The following DPYD variants were observed in gnomAD, a reference collection of about 807,000 sequenced individuals.
DPYD encodes dihydropyrimidine dehydrogenase [NADP(+)].
A neutral mutation model predicts 116.2 loss-of-function variants in DPYD; 109 were observed. That is an observed-to-expected ratio of 0.94 (90% CI 0.80 to 1.10). The LOEUF (loss-of-function observed/expected upper bound fraction) is 1.10. Among genes scored for constraint, DPYD ranks in the 50% least tolerant of loss-of-function variants. The pLI is 0.00. For synonymous variants in DPYD, 440 were observed against 432.0 expected, an observed-to-expected ratio of 1.02 and a Z score of -0.23; for missense variants, 1,302 against 1,254.5, an observed-to-expected ratio of 1.04 and a Z score of -0.57.
intron 13 of DPYD, among the ~76,000 whole-genome samples, chr1:97,475,672 A>T (rs1369419450): frequency 1.3e-5 from 2 of 152,200 alleles, no homozygotes; most frequent in African/African-American, 2.4e-5. Flanking sequence ...GAAATCTGCC[A>T]TAGACAATAT....
At chr1:97,428,827 T>C (rs1267228222) in intron 14 of DPYD, among the ~76,000 whole-genome samples, 4 of 151,784 alleles carry the variant, frequency 2.6e-5, no homozygotes, top group African/African-American at 9.7e-5. Flanking sequence ...CTCATGTGAG[T>C]GACAGTAAGA....
chr1:97,844,475 T>G lies in DPYD; in HGVS notation c.151-16279A>C, dbSNP rs137907209. 2.2e-3 allele frequency among the ~76,000 whole-genome samples: 330 copies of G among 152,230 alleles called. 2 individuals are homozygous for G. The highest frequency in any genetic ancestry group is 7.7e-3 in the African/African-American group (319 of 41,546). On this transcript the variant is annotated intron_variant, in intron 2 of 22. Transcript: ENST00000370192. ...TTTGAGTTAAAAATGACCAATAATTTGATCAATCATGCCTACATAATGTAA... is the reference window on the plus strand; with the variant it reads ...TTTGAGTTAAAAATGACCAATAATTGGATCAATCATGCCTACATAATGTAA...
intron 8 of DPYD, among the ~76,000 whole-genome samples, chr1:97,671,847 T>G (rs1305978837): frequency 6.6e-6 from 1 of 151,924 alleles, no homozygotes; most frequent in African/African-American, 2.4e-5. Flanking sequence ...TGACATATAT[T>G]TCATTATATA....
At chr1:97,572,795 C>T (rs1285209978) in intron 11 of DPYD, among the ~76,000 whole-genome samples, 1 of 151,710 alleles carries the variant, frequency 6.6e-6, no homozygotes, top group Non-Finnish European at 1.5e-5. Context: ...TGTTTGATGC[C>T]CTGCAGATAA....
At chr1:97,396,003 G>T (rs1426687197) in intron 14 of DPYD, among the ~76,000 whole-genome samples, 1 of 151,994 alleles carries the variant, frequency 6.6e-6, no homozygotes, top group Non-Finnish European at 1.5e-5. Context: ...TAAGCAAATT[G>T]CTAACATCCT....
intron 20 of DPYD, among the ~76,000 whole-genome samples, chr1:97,102,080 T>C (rs1022522596): frequency 1.3e-5 from 2 of 151,958 alleles, no homozygotes; most frequent in Non-Finnish European, 2.9e-5. Context: ...AGAAGTCTAT[T>C]TGGATTATAA....
intron 20 of DPYD, among the ~76,000 whole-genome samples, chr1:97,190,669 T>C (rs981475811): frequency 2.6e-5 from 4 of 152,198 alleles, no homozygotes; most frequent in African/African-American, 9.6e-5. Context: ...TTAGGCAGTT[T>C]GATCAGTTAA....
At chr1:97,858,066 G>A (rs539998101) in intron 2 of DPYD, among the ~76,000 whole-genome samples, 2 of 151,994 alleles carry the variant, frequency 1.3e-5, no homozygotes, top group Admixed American at 6.6e-5. Flanking sequence ...CTCTTCCAAT[G>A]AGTCTGTTTC....
intron 14 of DPYD, among the ~76,000 whole-genome samples, chr1:97,407,450 G>T (rs559249483): frequency 6.6e-6 from 1 of 152,162 alleles, no homozygotes; most frequent in South Asian, 2.1e-4. Context: ...TACATTAGTG[G>T]TACTGTGTCT....
At chr1:97,461,431 C>A (rs546803760) in intron 13 of DPYD, among the ~76,000 whole-genome samples, 8 of 152,094 alleles carry the variant, frequency 5.3e-5, no homozygotes, top group Non-Finnish European at 1.0e-4. Context: ...TAATTTCAAA[C>A]TCATATTAAA....
intron 20 of DPYD, among the ~76,000 whole-genome samples, chr1:97,119,166 A>T (rs1652225996): frequency 6.6e-6 from 1 of 152,222 alleles, no homozygotes; most frequent in Admixed American, 6.5e-5. Flanking sequence ...AAAAAGCCAT[A>T]TGGCAGTGCA....
chr1:97,785,711 T>C (rs1378362780), intron 3 of DPYD, among the ~76,000 whole-genome samples: 5 of 132,348 alleles, frequency 3.8e-5, no homozygotes, highest in Non-Finnish European at 6.5e-5. Flanking sequence ...TTTTTTTTTT[T>C]AGACGGAGTC....
chr1:97,450,227 A>G lies in DPYD; in HGVS notation c.1741-4T>C. On this transcript the variant is annotated splice_polypyrimidine_tract_variant and splice_region_variant and intron_variant, in intron 13 of 22. Transcript: ENST00000370192. ...GGGAAACATTTGTCACAATGTCCTG[A>G]TGAAAGAGTAAAGATATTGAGTCTC... 6.2e-7 allele frequency: 1 copy of G among 1,613,378 alleles called. No individual in the cohort carries two copies. The highest frequency in any genetic ancestry group is 1.3e-5 in the African/African-American group (1 of 75,022).
intron 2 of DPYD, among the ~76,000 whole-genome samples, chr1:97,850,445 G>C (rs1670514024): frequency 6.6e-6 from 1 of 152,106 alleles, no homozygotes; most frequent in South Asian, 2.1e-4. Context: ...CTTTTTATTA[G>C]TACATTATTC....
At chr1:97,333,140 C>T (rs1669106551) in intron 16 of DPYD, among the ~76,000 whole-genome samples, 1 of 151,452 alleles carries the variant, frequency 6.6e-6, no homozygotes, top group South Asian at 2.1e-4. Context: ...ACTGCAACCT[C>T]CGCCTCCCTG....
chr1:97,440,664 G>A (rs1675731510), intron 14 of DPYD, among the ~76,000 whole-genome samples: 1 of 152,104 alleles, frequency 6.6e-6, no homozygotes, highest in Admixed American at 6.5e-5. Context: ...TCGTACTATA[G>A]TTGTACATTT....
chr1:97,651,972 A>G (rs1212215232), intron 8 of DPYD, among the ~76,000 whole-genome samples: 1 of 152,130 alleles, frequency 6.6e-6, no homozygotes, highest in Non-Finnish European at 1.5e-5. Context: ...TTTTAAGCCC[A>G]CAAAAAGAAA....
intron 5 of DPYD, among the ~76,000 whole-genome samples, chr1:97,702,597 T>C (rs917913788): frequency 4.6e-5 from 7 of 152,050 alleles, no homozygotes; most frequent in African/African-American, 1.4e-4. Context: ...CAGATTTAAA[T>C]GTACTAAGGC....
At chr1:97,282,820 G>T (rs1461530834) in intron 18 of DPYD, among the ~76,000 whole-genome samples, 1 of 152,050 alleles carries the variant, frequency 6.6e-6, no homozygotes, top group Non-Finnish European at 1.5e-5. Flanking sequence ...AACGGTATTT[G>T]GTTTTCTGCT....
Sources: gnomAD v4.1 joint callset for allele counts (sites outside exome capture counted in the v4.1 genomes callset) on GRCh38, gnomAD v4.1.1 for gene constraint, MANE v1.5 for transcripts, NCBI Gene and HGNC (gene_info 2026-07-23, HGNC 2026-07-21) for gene names.